Variants in JARID2 observed in about 807,000 individuals in gnomAD.
JARID2 encodes protein Jumonji.
JARID2 carries 21 observed loss-of-function variants against 125.6 expected under a neutral mutation model. That is an observed-to-expected ratio of 0.17 (90% CI 0.12 to 0.24). JARID2 has a LOEUF of 0.24. JARID2 is among the 10% of genes least tolerant of loss of function. JARID2 has a pLI of 1.00. For synonymous variants in JARID2, 736 were observed against 661.6 expected, an observed-to-expected ratio of 1.11 and a Z score of -1.73; for missense variants, 1,303 against 1,639.6, an observed-to-expected ratio of 0.79 and a Z score of 3.55.
At chr6:15,289,352 T>C (rs139828946) in intron 1 of JARID2, among the ~76,000 whole-genome samples, 160 of 152,280 alleles carry the variant, frequency 1.1e-3, no homozygotes, top group African/African-American at 3.6e-3. Context: ...AAGAAAATCT[T>C]TTATTTTGTT....
chr6:15,400,968 C>A, intron 2 of JARID2: 1 of 1,289,452 alleles, frequency 7.8e-7, no homozygotes, highest in Non-Finnish European at 1.0e-6. Flanking sequence ...CTCCACGGGT[C>A]TGTCAGGTGC....
Position 15,520,366 on chromosome 6 carries a change from TC to T in JARID2, c.*116del, listed in dbSNP as rs1158550499. 1.5e-5 allele frequency: 12 copies of T among 806,712 alleles called. No homozygotes were observed. The highest frequency in any genetic ancestry group is 2.0e-5 in the Non-Finnish European group (11 of 549,636). 50.0% of individuals were successfully genotyped at this position (806,712 alleles called of 1,614,324 possible). A position where few individuals can be genotyped will look rare whatever the true frequency, so the allele number is the denominator to read the frequency against. On this transcript the variant is annotated 3_prime_UTR_variant, in exon 18 of 18. Transcript: ENST00000341776. ...TTTGCACTAGCTCTAAAGAAGATTT[TC>T]TTCTGGTTTTAGAGAACTAATTTTG...
intron 1 of JARID2, among the ~76,000 whole-genome samples, chr6:15,372,327 C>T (rs947016416): frequency 6.6e-6 from 1 of 152,016 alleles, no homozygotes; most frequent in South Asian, 2.1e-4. Context: ...CCAAAATACC[C>T]CAAATCATGA....
chr6:15,358,376 A>G (rs1286754962), intron 1 of JARID2, among the ~76,000 whole-genome samples: 3 of 152,200 alleles, frequency 2.0e-5, no homozygotes, highest in Non-Finnish European at 2.9e-5. Context: ...CCTTTCTGCT[A>G]TTATTAAATA....
intron 3 of JARID2, among the ~76,000 whole-genome samples, chr6:15,438,340 C>T (rs930262726): frequency 6.6e-6 from 1 of 152,136 alleles, no homozygotes; most frequent in African/African-American, 2.4e-5. Flanking sequence ...ATCCCCCCTC[C>T]CAGTGCCTGT....
At chr6:15,451,908 C>G in intron 3 of JARID2, 98 bp from the exon 4 acceptor site, 1 of 1,181,172 alleles carries the variant, frequency 8.5e-7, no homozygotes, top group Non-Finnish European at 1.2e-6. Context: ...GAAATAGGAT[C>G]TTTTTTCCCC....
At chr6:15,433,897 T>A (rs1241778004) in intron 3 of JARID2, among the ~76,000 whole-genome samples, 1 of 150,232 alleles carries the variant, frequency 6.7e-6, no homozygotes, top group African/African-American at 2.4e-5. Context: ...CCTAAGAGTT[T>A]TTCCAGTAGC....
At chr6:15,496,060 G>T (rs1770402165) in intron 6 of JARID2, 72 bp from the exon 7 acceptor site, 3 of 1,301,360 alleles carry the variant, frequency 2.3e-6, no homozygotes, top group Non-Finnish European at 3.2e-6. Flanking sequence ...CTTTCTCACG[G>T]GTGGGCCGGT....
chr6:15,421,354 C>T (rs1318094431), intron 3 of JARID2, among the ~76,000 whole-genome samples: 2 of 151,172 alleles, frequency 1.3e-5, no homozygotes, highest in Non-Finnish European at 2.9e-5. Context: ...GAGACACGTA[C>T]CATCAGGAAA....
chr6:15,435,999 G>A (rs1425950996), intron 3 of JARID2, among the ~76,000 whole-genome samples: 2 of 152,088 alleles, frequency 1.3e-5, no homozygotes, highest in Non-Finnish European at 2.9e-5. Flanking sequence ...TCAGTGCCCC[G>A]CTGCTCATAC....
At chr6:15,274,118 C>T (rs1454817773) in intron 1 of JARID2, among the ~76,000 whole-genome samples, 5 of 152,044 alleles carry the variant, frequency 3.3e-5, no homozygotes, top group African/African-American at 4.8e-5. Context: ...TTAGTACAGA[C>T]GGGGTTTCAC....
chr6:15,417,520 T>C (rs1369758697), intron 3 of JARID2, among the ~76,000 whole-genome samples: 2 of 152,196 alleles, frequency 1.3e-5, no homozygotes, highest in Admixed American at 6.5e-5. Context: ...GGCCGGCCAC[T>C]TGAATCCAGG....
Position 15,320,838 on chromosome 6 carries a change from TTC to T in JARID2, c.46-53265_46-53264del, listed in dbSNP as rs71535032. On this transcript the variant is annotated intron_variant, in intron 1 of 17. Coordinates refer to ENST00000341776, the MANE Select transcript of JARID2 (RefSeq NM_004973.4). ...CATGGCCATGCAAGAATATGATTCA[TTC>T]TCTCTCTCTCTCTGTGTGTGTGTGT... 3.9e-3 allele frequency among the ~76,000 whole-genome samples: 569 copies of T among 144,372 alleles called. 2 individuals carry two copies. Among genetic ancestry groups the T allele is most frequent in the Admixed American group, 5.8e-3 (84 of 14,532 alleles). 94.7% of individuals were successfully genotyped at this position (144,372 alleles called of 152,430 possible). A position where few individuals can be genotyped will look rare whatever the true frequency, so the allele number is the denominator to read the frequency against.
intron 3 of JARID2, among the ~76,000 whole-genome samples, chr6:15,450,566 A>G (rs1264389711): frequency 6.6e-6 from 1 of 152,140 alleles, no homozygotes; most frequent in African/African-American, 2.4e-5. Flanking sequence ...CAATCCCTGT[A>G]CTGTGTGGCT....
chr6:15,299,488 A>T (rs1761528506), intron 1 of JARID2, among the ~76,000 whole-genome samples: 1 of 152,200 alleles, frequency 6.6e-6, no homozygotes, highest in Non-Finnish European at 1.5e-5. Context: ...TGTGTCAGAA[A>T]TAGATGCCAT....
chr6:15,406,757 C>T (rs912420884), intron 2 of JARID2, among the ~76,000 whole-genome samples: 1 of 152,108 alleles, frequency 6.6e-6, no homozygotes, highest in African/African-American at 2.4e-5. Flanking sequence ...CATAAAATTA[C>T]CCCTAATTTA....
At chr6:15,428,307 T>C (rs762605318) in intron 3 of JARID2, among the ~76,000 whole-genome samples, 1 of 152,182 alleles carries the variant, frequency 6.6e-6, no homozygotes, top group Non-Finnish European at 1.5e-5. Flanking sequence ...CTAGGGTACA[T>C]GTGCACAATG....
At chr6:15,272,680 A>G (rs1200836131) in intron 1 of JARID2, among the ~76,000 whole-genome samples, 4 of 152,170 alleles carry the variant, frequency 2.6e-5, no homozygotes, top group Admixed American at 1.3e-4. Flanking sequence ...GTTTGATTTC[A>G]CTATCCTGGA....
At chr6:15,508,264 A>G in intron 11 of JARID2, 76 bp from the exon 12 acceptor site, 1 of 769,362 alleles carries the variant, frequency 1.3e-6, no homozygotes, top group Admixed American at 2.0e-5. Flanking sequence ...CGGAAGAAAG[A>G]GATTTTTACT....
Sources: allele counts gnomAD v4.1 joint callset (sites outside exome capture counted in the v4.1 genomes callset), GRCh38; gene constraint gnomAD v4.1.1; transcripts MANE v1.5; gene names NCBI Gene and HGNC (gene_info 2026-07-23, HGNC 2026-07-21).